Variants in ABTB2 observed in about 807,000 individuals in gnomAD.
ABTB2 encodes the protein ankyrin repeat and BTB/POZ domain-containing protein 2.
ABTB2 carries 56 observed loss-of-function variants against 104.1 expected under a neutral mutation model. The ratio of observed to expected loss-of-function variants is 0.54; its 90% confidence interval spans 0.43 to 0.67. The LOEUF (loss-of-function observed/expected upper bound fraction) is 0.67. ABTB2 is among the 30% of genes least tolerant of loss of function. The pLI, the probability that ABTB2 is intolerant of heterozygous loss-of-function variation, is 0.00. For synonymous variants in ABTB2, 606 were observed against 608.2 expected, an observed-to-expected ratio of 1.00 and a Z score of 0.05; for missense variants, 1,279 against 1,407.7, an observed-to-expected ratio of 0.91 and a Z score of 1.46.
At chr11:34,243,487 C>G (rs1249879302) in intron 1 of ABTB2, among the ~76,000 whole-genome samples, 4 of 152,218 alleles carry the variant, frequency 2.6e-5, no homozygotes, top group Non-Finnish European at 5.9e-5. Flanking sequence ...ATCCATAACC[C>G]TGCCCCTCCT....
intron 1 of ABTB2, among the ~76,000 whole-genome samples, chr11:34,231,110 T>G (rs1853764162): frequency 6.6e-6 from 1 of 152,176 alleles, no homozygotes; most frequent in South Asian, 2.1e-4. Context: ...GAAAATGAGC[T>G]TGGAGCATCT....
At chr11:34,311,103 G>C (rs1413480241) in intron 1 of ABTB2, among the ~76,000 whole-genome samples, 2 of 152,178 alleles carry the variant, frequency 1.3e-5, no homozygotes, top group East Asian at 1.9e-4. Flanking sequence ...TGGGAGAAGA[G>C]GCGGCTCCTC....
intron 3 of ABTB2, among the ~76,000 whole-genome samples, chr11:34,193,611 C>T (rs547539956): frequency 7.9e-5 from 12 of 152,250 alleles, no homozygotes; most frequent in Non-Finnish European, 1.2e-4. Context: ...AATGATAGCA[C>T]CAAACTTGCT....
intron 1 of ABTB2, among the ~76,000 whole-genome samples, chr11:34,354,621 C>A (rs1339231992): frequency 1.3e-5 from 2 of 152,212 alleles, no homozygotes; most frequent in African/African-American, 4.8e-5. Context: ...TGTTTTCTAG[C>A]AGCTTCTGGC....
chr11:34,334,576 C>G (rs1590260331), intron 1 of ABTB2, among the ~76,000 whole-genome samples: 3 of 152,112 alleles, frequency 2.0e-5, no homozygotes, highest in Admixed American at 6.5e-5. Context: ...AACTCAACTC[C>G]CAAACAAAAG....
intron 1 of ABTB2, among the ~76,000 whole-genome samples, chr11:34,285,803 C>G (rs572915361): frequency 6.6e-6 from 1 of 152,308 alleles, no homozygotes; most frequent in African/African-American, 2.4e-5. Context: ...TACTGAGAGG[C>G]AAGCACTTCT....
intron 1 of ABTB2, among the ~76,000 whole-genome samples, chr11:34,297,621 C>T (rs1025389334): frequency 1.3e-5 from 2 of 152,000 alleles, no homozygotes; most frequent in Non-Finnish European, 2.9e-5. Context: ...ACAAAATTAG[C>T]TGGGCGTAGT....
intron 1 of ABTB2, among the ~76,000 whole-genome samples, chr11:34,257,278 G>A (rs570085062): frequency 8.7e-4 from 133 of 152,166 alleles, no homozygotes; most frequent in Non-Finnish European, 1.6e-3. Flanking sequence ...GGAAGATGTG[G>A]CTCTATGGCA....
chr11:34,290,696 AAAAC>A (rs1025283064), intron 1 of ABTB2, among the ~76,000 whole-genome samples: 11 of 152,284 alleles, frequency 7.2e-5, no homozygotes, highest in African/African-American at 1.4e-4. Context: ...TGAAAAAAGA[AAAAC>A]AAAGAAAGAA....
At chr11:34,161,342 G>T (rs1237396955) in intron 10 of ABTB2, among the ~76,000 whole-genome samples, 1 of 152,216 alleles carries the variant, frequency 6.6e-6, no homozygotes, top group Non-Finnish European at 1.5e-5. Flanking sequence ...TGAGGTGGAG[G>T]AATGGCTTCG....
chr11:34,155,598 C>A (rs1325875071), intron 14 of ABTB2, among the ~76,000 whole-genome samples: 1 of 152,264 alleles, frequency 6.6e-6, no homozygotes, highest in African/African-American at 2.4e-5. Flanking sequence ...CTCCAGCCGG[C>A]ACAGTCGGGC....
intron 1 of ABTB2, among the ~76,000 whole-genome samples, chr11:34,322,695 C>T (rs1452557651): frequency 1.3e-5 from 2 of 151,988 alleles, no homozygotes; most frequent in African/African-American, 2.4e-5. Context: ...TAAGGAAACG[C>T]TTTTTTCTCT....
intron 3 of ABTB2, among the ~76,000 whole-genome samples, chr11:34,190,262 G>A (rs1390972005): frequency 2.3e-5 from 2 of 86,778 alleles, no homozygotes; most frequent in East Asian, 3.2e-4. Flanking sequence ...CCCCTGCCCC[G>A]CTGCCCCCCC....
At chr11:34,297,510 G>C (rs757522640) in intron 1 of ABTB2, among the ~76,000 whole-genome samples, 1 of 152,186 alleles carries the variant, frequency 6.6e-6, no homozygotes, top group South Asian at 2.1e-4. Flanking sequence ...TTCAGGTGTT[G>C]GCTGGGCGTG....
At chr11:34,326,310 T>C (rs1236763533) in intron 1 of ABTB2, among the ~76,000 whole-genome samples, 1 of 152,022 alleles carries the variant, frequency 6.6e-6, no homozygotes, top group Non-Finnish European at 1.5e-5. Context: ...ACATAATAGA[T>C]ACATTAAAAC....
At chr11:34,166,213 G>A (rs1005021208) in intron 7 of ABTB2, among the ~76,000 whole-genome samples, 1 of 152,222 alleles carries the variant, frequency 6.6e-6, no homozygotes, top group African/African-American at 2.4e-5. Flanking sequence ...GAGCCCAACC[G>A]CCCTTCCCCT....
chr11:34,248,761 T>A (rs1854017272), intron 1 of ABTB2, among the ~76,000 whole-genome samples: 1 of 152,250 alleles, frequency 6.6e-6, no homozygotes, highest in Admixed American at 6.5e-5. Context: ...GTTGTGGGTA[T>A]TTCAACTGCC....
intron 1 of ABTB2, among the ~76,000 whole-genome samples, chr11:34,226,554 G>A (rs1031700380): frequency 1.3e-5 from 2 of 152,186 alleles, no homozygotes; most frequent in Non-Finnish European, 2.9e-5. Flanking sequence ...ACTTGCCCAA[G>A]GCCACAGAGT....
At chr11:34,194,892 G>A (rs1853229802) in intron 3 of ABTB2, among the ~76,000 whole-genome samples, 1 of 151,982 alleles carries the variant, frequency 6.6e-6, no homozygotes, top group South Asian at 2.1e-4. Flanking sequence ...AGATAGTGCG[G>A]TTTTTAAATA....
Sources: allele counts gnomAD v4.1 joint callset (sites outside exome capture counted in the v4.1 genomes callset), GRCh38; gene constraint gnomAD v4.1.1; transcripts MANE v1.5; gene names NCBI Gene and HGNC (gene_info 2026-07-23, HGNC 2026-07-21).